The following SLA2 variants were observed in gnomAD, a reference collection of about 807,000 sequenced individuals.
SLA2 encodes Src like adaptor 2.
SLA2 carries 22 observed loss-of-function variants against 27.3 expected under a neutral mutation model. The observed-to-expected ratio is 0.81, with a 90% CI of 0.58 to 1.15. The LOEUF (loss-of-function observed/expected upper bound fraction) is 1.15. SLA2 is among the 50% of genes most tolerant of loss of function. The pLI is 0.00. For missense variants in SLA2, 304 were observed against 322.2 expected (o/e 0.94, Z 0.43); for synonymous variants, 131 against 137.8 (o/e 0.95, Z 0.34).
chr20:36,640,969 G>A (rs925516635), intron 2 of SLA2, among the ~76,000 whole-genome samples: 5 of 152,158 alleles, frequency 3.3e-5, no homozygotes, highest in African/African-American at 1.2e-4. Flanking sequence ...GAAATGCCTG[G>A]GGGACTGTCA....
chr20:36,628,520 G>T (rs2039361756), intron 5 of SLA2, among the ~76,000 whole-genome samples: 1 of 151,972 alleles, frequency 6.6e-6, no homozygotes, highest in South Asian at 2.1e-4. Flanking sequence ...CTGGAGGTGG[G>T]GTACAGGCAT....
intron 1 of SLA2, among the ~76,000 whole-genome samples, chr20:36,645,392 G>A (rs1226633310): frequency 6.6e-6 from 1 of 152,032 alleles, no homozygotes; most frequent in African/African-American, 2.4e-5. Context: ...TTTGGATTGA[G>A]TTAAAGGGAG....
chr20:36,634,597 G>T lies in SLA2; in HGVS notation c.92-8C>A. On this transcript the variant is annotated splice_polypyrimidine_tract_variant and splice_region_variant and intron_variant, in intron 2 of 7. Transcript: ENST00000262866. Reference sequence around the variant, plus strand: ...CTGTGGCCTTGCTTCTCTCTAGATGGAGGGACAGAAATAGTCACCTACTTA... The same window carrying T: ...CTGTGGCCTTGCTTCTCTCTAGATGTAGGGACAGAAATAGTCACCTACTTA... 1.3e-6 allele frequency: 2 copies of T among 1,582,610 alleles called. No homozygotes were observed. Among genetic ancestry groups the T allele is most frequent in the Non-Finnish European group, 1.7e-6 (2 of 1,156,406 alleles).
intron 1 of SLA2, among the ~76,000 whole-genome samples, chr20:36,644,945 A>C (rs1471540640): frequency 6.7e-6 from 1 of 148,580 alleles, no homozygotes; most frequent in Non-Finnish European, 1.5e-5. Flanking sequence ...CTGAGAGGAC[A>C]ACCATGTGAT....
intron 2 of SLA2, 103 bp from the exon 3 acceptor site, chr20:36,634,692 A>G (rs2039426847): frequency 1.6e-6 from 1 of 636,532 alleles, no homozygotes; most frequent in East Asian, 3.2e-5. Flanking sequence ...TCAGCCCTCC[A>G]CAAGCACCCT....
chr20:36,623,602 C>T (rs1367467424), intron 5 of SLA2, among the ~76,000 whole-genome samples: 3 of 152,086 alleles, frequency 2.0e-5, no homozygotes, highest in Non-Finnish European at 4.4e-5. Context: ...GTCTCTGCTT[C>T]GTTTTCTTTG....
In SLA2 at chr20:36,614,307, G is replaced by C. The variant is rs1250787000; in HGVS notation, c.663C>G (p.Asp221Glu). The change falls in exon 7 of 8, where the codon GAC (aspartate) becomes GAG (glutamate). Residue 221 changes from aspartate (D) to glutamate (E), a missense_variant and splice_region_variant. Coordinates refer to ENST00000262866, the MANE Select transcript of SLA2 (RefSeq NM_032214.4). ...TTTCCAGGAGTCCCCAACTTTACCTGTCCAGCTCTTTCCAGTTGAGTGGTG... is the reference window on the plus strand; with the variant it reads ...TTTCCAGGAGTCCCCAACTTTACCTCTCCAGCTCTTTCCAGTTGAGTGGTG... ...QRTPLNWKEL[D>E]SSLLFSEAAT... The C allele has an allele frequency of 1.9e-6, 3 of 1,614,170 alleles. No individual in the cohort carries two copies. In the East Asian group the frequency reaches 6.7e-5, roughly 36 times the overall value.
intron 6 of SLA2, chr20:36,614,684 G>C: frequency 1.0e-6 from 1 of 985,398 alleles, no homozygotes; most frequent in Non-Finnish European, 1.2e-6. Context: ...TCAAGTTTCT[G>C]GTTAGGAAAT....
intron 5 of SLA2, among the ~76,000 whole-genome samples, chr20:36,628,685 ACACG>A (rs2039363334): frequency 6.6e-6 from 1 of 152,010 alleles, no homozygotes; most frequent in Non-Finnish European, 1.5e-5. Context: ...AGCTTAGACA[ACACG>A]CACATGCCAC....
intron 2 of SLA2, among the ~76,000 whole-genome samples, chr20:36,636,914 G>A (rs1263634945): frequency 6.6e-6 from 1 of 151,816 alleles, no homozygotes; most frequent in East Asian, 1.9e-4. Context: ...TGGCGCCATT[G>A]CACTCCAGCA....
chr20:36,614,315 C>T lies in SLA2; in HGVS notation c.655G>A (p.Glu219Lys), dbSNP rs1600813460. The change falls in exon 7 of 8, where the codon GAG becomes AAG. Residue 219 changes from glutamate to lysine, a missense_variant. By Grantham distance (56) the Glu-to-Lys change is moderately conservative. Transcript: ENST00000262866. ...TVQRTPLNWK[E>K]LDSSLLFSEA... ...AGTCCCCAACTTTACCTGTCCAGCT[C>T]TTTCCAGTTGAGTGGTGTCCTCTGC... is the stretch of plus-strand genomic sequence containing the variant. 25 of 1,614,074 alleles carry T rather than the reference C, an allele frequency of 1.5e-5. No homozygotes were observed. Among genetic ancestry groups the T allele is most frequent in the Non-Finnish European group, 1.9e-5 (23 of 1,180,030 alleles).
chr20:36,640,632 T>G (rs2039497401), intron 2 of SLA2, among the ~76,000 whole-genome samples: 1 of 151,630 alleles, frequency 6.6e-6, no homozygotes, highest in African/African-American at 2.4e-5. Context: ...TTCTCTTGCC[T>G]CAGCCTCCTA....
In SLA2 at chr20:36,613,824, A is replaced by T; in HGVS notation, c.*42T>A. The stretch of plus-strand genomic sequence containing the variant: ...GCCCAGGAGGCTGAATTGGGGTTCT[A>T]GGTGTGCAGCCTTGGTTTCCCTTTT... On this transcript the variant is annotated 3_prime_UTR_variant, in exon 8 of 8. Coordinates refer to ENST00000262866, the MANE Select transcript of SLA2 (RefSeq NM_032214.4). 1 of 1,339,170 alleles carries T rather than the reference A, an allele frequency of 7.5e-7. No homozygotes were observed. 83.0% of individuals were successfully genotyped at this position (1,339,170 alleles called of 1,614,324 possible). A position where few individuals can be genotyped will look rare whatever the true frequency, so the allele number is the denominator to read the frequency against.
intron 6 of SLA2, 31 bp downstream of exon 6, chr20:36,615,194 G>C (rs746158199): frequency 6.2e-7 from 1 of 1,613,860 alleles, no homozygotes; most frequent in Non-Finnish European, 8.5e-7. Flanking sequence ...GACTATCCCA[G>C]CCTAGTCCTG....
chr20:36,614,203 G>A, intron 7 of SLA2, 102 bp downstream of exon 7: 1 of 1,578,774 alleles, frequency 6.3e-7, no homozygotes, highest in South Asian at 1.1e-5. Flanking sequence ...GCTGCCAGGT[G>A]TCCCTGAGTG....
At chr20:36,614,530 G>C in intron 6 of SLA2, 93 bp from the exon 7 acceptor site, 1 of 1,504,538 alleles carries the variant, frequency 6.6e-7, no homozygotes, top group Non-Finnish European at 8.8e-7. Flanking sequence ...GTTGGCAGGA[G>C]GGGGCATGGT....
intron 2 of SLA2, among the ~76,000 whole-genome samples, chr20:36,636,361 C>T (rs1448510922): frequency 7.0e-6 from 1 of 142,930 alleles, no homozygotes; most frequent in African/African-American, 2.7e-5. Flanking sequence ...GCGGAGCTTG[C>T]AGTGAGCCGA....
intron 1 of SLA2, among the ~76,000 whole-genome samples, chr20:36,642,448 G>C (rs1355045984): frequency 6.6e-6 from 1 of 151,718 alleles, no homozygotes; most frequent in Non-Finnish European, 1.5e-5. Context: ...CCGTCACCCA[G>C]GCTAGAGTGT....
intron 5 of SLA2, among the ~76,000 whole-genome samples, chr20:36,619,092 G>T (rs1004378433): frequency 4.6e-5 from 7 of 151,340 alleles, no homozygotes; most frequent in Non-Finnish European, 8.8e-5. Context: ...GCCAGGCTTG[G>T]TGCCAGTAAT....
Sources: allele counts gnomAD v4.1 joint callset (sites outside exome capture counted in the v4.1 genomes callset), GRCh38; gene constraint gnomAD v4.1.1; transcripts MANE v1.5; gene names NCBI Gene and HGNC (gene_info 2026-07-23, HGNC 2026-07-21).